Variants in IMPACT observed in about 807,000 individuals in gnomAD.
IMPACT encodes protein IMPACT.
A neutral mutation model predicts 47.5 loss-of-function variants in IMPACT; 35 were observed. That is an observed-to-expected ratio of 0.74 (90% CI 0.56 to 0.98). The LOEUF (loss-of-function observed/expected upper bound fraction) is 0.98, where lower values mean the gene tolerates loss of function less well. Ranked by LOEUF, IMPACT falls within the 50% of genes least tolerant of loss-of-function variation. The pLI, the probability that IMPACT is intolerant of heterozygous loss-of-function variation, is 0.00. For synonymous variants in IMPACT, 118 were observed against 125.6 expected (o/e 0.94, Z 0.40); for missense variants, 373 against 394.8 (o/e 0.94, Z 0.47).
intron 7 of IMPACT, among the ~76,000 whole-genome samples, chr18:24,445,000 G>A (rs1909211864): frequency 6.6e-6 from 1 of 152,140 alleles, no homozygotes; most frequent in Non-Finnish European, 1.5e-5. Context: ...GAAAGATGTG[G>A]TTTTATAACA....
At chr18:24,430,242 T>A in intron 3 of IMPACT, 80 bp from the exon 4 acceptor site, 6 of 992,976 alleles carry the variant, frequency 6.0e-6, no homozygotes, top group Middle Eastern at 2.6e-4. Context: ...GCCAAAAAAA[T>A]TTATTTGTGA....
intron 4 of IMPACT, among the ~76,000 whole-genome samples, chr18:24,435,833 A>T (rs1908917955): frequency 6.9e-6 from 1 of 144,892 alleles, no homozygotes; most frequent in Non-Finnish European, 1.6e-5. Flanking sequence ...TACCCGTTGA[A>T]GTTAGCCTCC....
intron 8 of IMPACT, 86 bp downstream of exon 8, chr18:24,445,552 G>C (rs990159224): frequency 4.0e-6 from 3 of 743,190 alleles, no homozygotes; most frequent in Non-Finnish European, 6.4e-6. Context: ...AATAACTATT[G>C]TGTATTTTTT....
rs1909396021 is a variant in IMPACT at position 24,451,872 on chromosome 18, A to T, written c.*1025A>T. 6.6e-6 allele frequency: 1 copy of T among 152,094 alleles called. No homozygotes were observed. Among genetic ancestry groups the T allele is most frequent in the African/African-American group, 2.4e-5 (1 of 41,412 alleles). 9.4% of individuals were successfully genotyped at this position (152,094 alleles called of 1,614,324 possible). ...CAAACCTTTTCATTGGAAAAACAGA[A>T]ACAACCCTCCCCCCCATTTTTTCCC... On this transcript the variant is annotated 3_prime_UTR_variant, in exon 11 of 11. Transcript: ENST00000284202.
chr18:24,446,210 C>T (rs556671378), intron 8 of IMPACT, among the ~76,000 whole-genome samples: 15 of 152,006 alleles, frequency 9.9e-5, no homozygotes, highest in Admixed American at 2.6e-4. Context: ...ACTGTAGGTG[C>T]GAGCCACCAT....
rs1421303955 is a variant in IMPACT at position 24,450,901 on chromosome 18, A to AGT, written c.*55_*56dup. 5.6e-6 allele frequency: 6 copies of AGT among 1,062,378 alleles called. No homozygotes were observed. In the Admixed American group the frequency reaches 1.1e-4, roughly 20 times the overall value. 65.8% of individuals were successfully genotyped at this position (1,062,378 alleles called of 1,614,324 possible). On this transcript the variant is annotated 3_prime_UTR_variant, in exon 11 of 11. Coordinates refer to ENST00000284202, the MANE Select transcript of IMPACT (RefSeq NM_018439.4). ...GCCTATAATTATATATACATTCCATAGTCATCAAGGAATATATTGTGCAGA... is the reference window on the plus strand; with the variant it reads ...GCCTATAATTATATATACATTCCATAGTGTCATCAAGGAATATATTGTGCAGA...
chr18:24,429,161 T>A (rs941663553), intron 3 of IMPACT, among the ~76,000 whole-genome samples: 1 of 152,188 alleles, frequency 6.6e-6, no homozygotes, highest in Non-Finnish European at 1.5e-5. Context: ...GGTACAGAAT[T>A]GTCTTTAGAG....
chr18:24,449,199 A>T (rs1455252642), intron 9 of IMPACT, among the ~76,000 whole-genome samples: 1 of 151,874 alleles, frequency 6.6e-6, no homozygotes, highest in Non-Finnish European at 1.5e-5. Context: ...TGTCTCTACT[A>T]AAAAAACACA....
At position 24,428,993 on chromosome 18, in the gene IMPACT, C is replaced by T. The variant is rs967726821; in HGVS notation, c.218+72C>T. 2.2e-5 allele frequency: 23 copies of T among 1,056,670 alleles called. 1 individual carries two copies. The highest frequency in any genetic ancestry group is 1.6e-4 in the South Asian group (11 of 66,920). 65.5% of individuals were successfully genotyped at this position (1,056,670 alleles called of 1,614,324 possible). The stretch of plus-strand genomic sequence containing the variant: ...TGAAAGATGTTTATACTGTACTTTG[C>T]GTTTACATAAAATACCTTTCTTATT... On this transcript the variant is annotated intron_variant, in intron 3 of 10. Coordinates refer to ENST00000284202, the MANE Select transcript of IMPACT (RefSeq NM_018439.4).
In IMPACT at chr18:24,450,990, T is replaced by A; in HGVS notation, c.*143T>A. 5.7e-6 allele frequency: 3 copies of A among 522,292 alleles called. No individual in the cohort carries two copies. The highest frequency in any genetic ancestry group is 1.0e-5 in the Non-Finnish European group (3 of 290,516). The allele number at this position is 522,292 out of a possible 1,614,324, so 32.4% of individuals were successfully genotyped here. Reference sequence around the variant, plus strand: ...TGGATACCAACATTAGCTTTTCTTCTTGGTTATATCATCTGCCAAAAATAG... The same window carrying A: ...TGGATACCAACATTAGCTTTTCTTCATGGTTATATCATCTGCCAAAAATAG... On this transcript the variant is annotated 3_prime_UTR_variant, in exon 11 of 11. Coordinates refer to ENST00000284202, the MANE Select transcript of IMPACT (RefSeq NM_018439.4).
At chr18:24,438,615 G>C (rs1320146026) in intron 5 of IMPACT, among the ~76,000 whole-genome samples, 1 of 152,082 alleles carries the variant, frequency 6.6e-6, no homozygotes, top group African/African-American at 2.4e-5. Context: ...GCTGGGAGTG[G>C]TGGTGTACTC....
chr18:24,441,474 G>T (rs1427250500), intron 6 of IMPACT, among the ~76,000 whole-genome samples: 1 of 152,148 alleles, frequency 6.6e-6, no homozygotes, highest in Non-Finnish European at 1.5e-5. Context: ...GAGCCACCAC[G>T]CCCGGCCTAG....
chr18:24,447,353 G>T lies in IMPACT; in HGVS notation c.669-740G>T, dbSNP rs149896991. Among the ~76,000 whole-genome samples, 45 of 152,150 alleles carry T rather than the reference G, an allele frequency of 3.0e-4. No homozygotes were observed. The East Asian group carries it at 8.3e-3, about 28-fold the overall frequency. Reference sequence around the variant, plus strand: ...CATGATACCATTGGTAGGGCCCTAAGAAATCCACCAGATGGCATACTGTAA... The same window carrying T: ...CATGATACCATTGGTAGGGCCCTAATAAATCCACCAGATGGCATACTGTAA... On this transcript the variant is annotated intron_variant, in intron 8 of 10. Coordinates refer to ENST00000284202, the MANE Select transcript of IMPACT (RefSeq NM_018439.4).
In IMPACT at chr18:24,448,211, GT is replaced by G. The variant is rs1909294099; in HGVS notation, c.759+30del. 3 of 1,443,458 alleles carry G rather than the reference GT, an allele frequency of 2.1e-6. No individual in the cohort carries two copies. In the South Asian group the frequency reaches 3.7e-5, roughly 18 times the overall value. The allele number at this position is 1,443,458 out of a possible 1,614,324, so 89.4% of individuals were successfully genotyped here. A position where few individuals can be genotyped will look rare whatever the true frequency, so the allele number is the denominator to read the frequency against. ...AGGTGTAAGTTAAACTATCAATCCT[GT>G]TCTGTACAAGCCATAAAATTTCTCA... is the stretch of plus-strand genomic sequence containing the variant. On this transcript the variant is annotated intron_variant, in intron 9 of 10. Coordinates refer to ENST00000284202, the MANE Select transcript of IMPACT (RefSeq NM_018439.4).
intron 5 of IMPACT, among the ~76,000 whole-genome samples, chr18:24,438,273 G>T (rs1786659): frequency 0.93 from 141,370 of 152,310 alleles, 65,846 homozygotes; most frequent in African/African-American, 0.96. Context: ...TCTGAGATTT[G>T]GCTTTCCATG....
intron 4 of IMPACT, among the ~76,000 whole-genome samples, chr18:24,437,387 C>T (rs1908976282): frequency 6.6e-6 from 1 of 151,994 alleles, no homozygotes. Context: ...TCATTTGGAA[C>T]CAAAATGAAT....
At chr18:24,432,069 C>T (rs1009054771) in intron 4 of IMPACT, among the ~76,000 whole-genome samples, 1 of 152,148 alleles carries the variant, frequency 6.6e-6, no homozygotes, top group Non-Finnish European at 1.5e-5. Flanking sequence ...CCAGGCTGGT[C>T]TCAAACTCCT....
chr18:24,441,684 T>C (rs575522521), intron 6 of IMPACT, among the ~76,000 whole-genome samples: 1 of 152,320 alleles, frequency 6.6e-6, no homozygotes, highest in East Asian at 1.9e-4. Context: ...CATTACACAG[T>C]AGCTTTTAAA....
chr18:24,444,071 A>G (rs1599766673), intron 7 of IMPACT, among the ~76,000 whole-genome samples: 1 of 152,250 alleles, frequency 6.6e-6, no homozygotes, highest in African/African-American at 2.4e-5. Flanking sequence ...TGAAAGAGGA[A>G]GTTCTTTTCT....
Sources: gnomAD v4.1 joint callset for allele counts (sites outside exome capture counted in the v4.1 genomes callset) on GRCh38, gnomAD v4.1.1 for gene constraint, MANE v1.5 for transcripts, NCBI Gene and HGNC (gene_info 2026-07-23, HGNC 2026-07-21) for gene names.